The following TMEM132C variants were observed in gnomAD, a reference collection of about 807,000 sequenced individuals.
TMEM132C encodes the protein transmembrane protein 132C, also known as protein phosphatase 1, regulatory subunit 152.
TMEM132C carries 29 observed loss-of-function variants against 61.4 expected under a neutral mutation model. The ratio of observed to expected loss-of-function variants is 0.47; its 90% CI spans 0.35 to 0.64. The LOEUF (loss-of-function observed/expected upper bound fraction) is 0.64, where lower values mean the gene tolerates loss of function less well. Among genes scored for constraint, TMEM132C ranks in the 30% least tolerant of loss-of-function variants. The pLI, the probability that TMEM132C is intolerant of heterozygous loss-of-function variation, is 0.00. For missense variants in TMEM132C, 1,408 were observed against 1,476.9 expected, an observed-to-expected ratio of 0.95 and a Z score of 0.76; for synonymous variants, 656 against 633.1, an observed-to-expected ratio of 1.04 and a Z score of -0.54.
chr12:128,567,289 A>G lies in TMEM132C; in HGVS notation c.1121+23186A>G, dbSNP rs182312180. On this transcript the variant is annotated intron_variant, in intron 3 of 8. Coordinates refer to ENST00000435159, the MANE Select transcript of TMEM132C (RefSeq NM_001136103.3). The stretch of plus-strand genomic sequence containing the variant: ...CAAACTCAATTGAAAAAAAGAACCT[A>G]GCAAACTAGGAGTAAGCTTGAATTC... Among the ~76,000 whole-genome samples the G allele has an allele frequency of 1.1e-4, 16 of 152,326 alleles. No individual in the cohort carries two copies. In the East Asian group the frequency reaches 3.1e-3, roughly 29 times the overall value.
At chr12:128,582,549 A>T (rs1875382365) in intron 3 of TMEM132C, among the ~76,000 whole-genome samples, 1 of 151,366 alleles carries the variant, frequency 6.6e-6, no homozygotes, top group Non-Finnish European at 1.5e-5. Context: ...ACTTGGTGGG[A>T]GATAACTGAA....
intron 3 of TMEM132C, among the ~76,000 whole-genome samples, chr12:128,591,292 G>A (rs563159352): frequency 2.1e-4 from 31 of 149,464 alleles, no homozygotes; most frequent in African/African-American, 2.9e-4. Flanking sequence ...CCCAGCCCCC[G>A]GCAACAACTC....
chr12:128,308,831 G>A (rs971828727), intron 1 of TMEM132C, among the ~76,000 whole-genome samples: 1 of 152,180 alleles, frequency 6.6e-6, no homozygotes, highest in African/African-American at 2.4e-5. Flanking sequence ...CCATCACCTG[G>A]TGCTGAGGCT....
chr12:128,628,207 C>T (rs1402730266), intron 4 of TMEM132C, among the ~76,000 whole-genome samples: 1 of 152,194 alleles, frequency 6.6e-6, no homozygotes, highest in East Asian at 1.9e-4. Flanking sequence ...CTGGGAGCCC[C>T]TTCCTCACAG....
chr12:128,705,971 A>T lies in TMEM132C; in HGVS notation c.3003A>T (p.Gly1001=), dbSNP rs1439931545. 3.2e-6 allele frequency: 5 copies of T among 1,551,400 alleles called. No individual in the cohort carries two copies. Among genetic ancestry groups the T allele is most frequent in the Non-Finnish European group, 3.5e-6 (4 of 1,146,982 alleles). Residue 1001 remains glycine, a synonymous_variant, in exon 9 of 9, where the codon GGA becomes GGT. Coordinates refer to ENST00000435159, the MANE Select transcript of TMEM132C (RefSeq NM_001136103.3). ...AGCACACCACCATCATAGACCGCGG[A>T]CCGGGGGCCTGCGAGGAGAGCAACC... is the stretch of plus-strand genomic sequence containing the variant. ...QDEHTTIIDR[G]PGACEESNHL...
chr12:128,597,658 G>A (rs6486701), intron 3 of TMEM132C, among the ~76,000 whole-genome samples: 105,766 of 152,120 alleles, frequency 0.7, 40,477 homozygotes, highest in Non-Finnish European at 0.88. Context: ...ATACAACAGT[G>A]GCCAACACAG....
At chr12:128,645,603 G>A (rs958855872) in intron 4 of TMEM132C, among the ~76,000 whole-genome samples, 3 of 152,228 alleles carry the variant, frequency 2.0e-5, no homozygotes, top group Admixed American at 6.5e-5. Context: ...GATAGCCTAT[G>A]GATGTTGACT....
intron 1 of TMEM132C, among the ~76,000 whole-genome samples, chr12:128,294,672 G>T (rs973578977): frequency 4.0e-5 from 6 of 151,536 alleles, no homozygotes; most frequent in Non-Finnish European, 7.4e-5. Context: ...CCGGCTTCCT[G>T]GTTCATAGAC....
chr12:128,420,325 T>G (rs1040877674), intron 2 of TMEM132C, among the ~76,000 whole-genome samples: 1 of 152,158 alleles, frequency 6.6e-6, no homozygotes, highest in East Asian at 1.9e-4. Context: ...CAAGGCAGGC[T>G]TTGTTGAAAA....
intron 5 of TMEM132C, among the ~76,000 whole-genome samples, chr12:128,678,474 T>C (rs755931001): frequency 1.8e-4 from 28 of 152,224 alleles, no homozygotes; most frequent in Non-Finnish European, 3.4e-4. Flanking sequence ...CAAGTTCTTC[T>C]TTAAGCCTCA....
Position 128,620,238 on chromosome 12 carries a change from A to T in TMEM132C, c.1305+3903A>T, listed in dbSNP as rs959494872. ...ACAGAATGAGACCCTGTCTCAAAAA[A>T]AAAAAAAAAAAAAAAAGGAATAAAC... On this transcript the variant is annotated intron_variant, in intron 4 of 8. Coordinates refer to ENST00000435159, the MANE Select transcript of TMEM132C (RefSeq NM_001136103.3). 6.6e-5 allele frequency among the ~76,000 whole-genome samples: 10 copies of T among 151,398 alleles called. No individual in the cohort carries two copies. The South Asian group carries it at 2.1e-3, about 32-fold the overall frequency.
At chr12:128,556,763 G>A (rs1874341109) in intron 3 of TMEM132C, among the ~76,000 whole-genome samples, 2 of 152,100 alleles carry the variant, frequency 1.3e-5, no homozygotes. Context: ...ACTATCCCAT[G>A]TGGAAAGGCC....
At chr12:128,350,031 T>A (rs1438690058) in intron 1 of TMEM132C, among the ~76,000 whole-genome samples, 1 of 152,216 alleles carries the variant, frequency 6.6e-6, no homozygotes, top group Non-Finnish European at 1.5e-5. Context: ...AATAGCCGCC[T>A]GTGAGTTGAA....
chr12:128,539,184 G>T (rs1821789487), intron 2 of TMEM132C, among the ~76,000 whole-genome samples: 1 of 152,090 alleles, frequency 6.6e-6, no homozygotes, highest in South Asian at 2.1e-4. Flanking sequence ...CATCAACCTG[G>T]GATTCTTTCC....
chr12:128,461,762 G>A lies in TMEM132C; in HGVS notation c.974+46142G>A, dbSNP rs375708287. On this transcript the variant is annotated intron_variant, in intron 2 of 8. Transcript: ENST00000435159. ...TGTGTGATAGTGGTGATAGTGGTGT[G>A]TCACTCTCTATCAAAGCCCCCAGCA... is the stretch of plus-strand genomic sequence containing the variant. 4.6e-5 allele frequency among the ~76,000 whole-genome samples: 7 copies of A among 152,098 alleles called. No individual in the cohort carries two copies. In the East Asian group the frequency reaches 7.7e-4, roughly 17 times the overall value.
chr12:128,542,893 T>G (rs1046623174), intron 2 of TMEM132C, among the ~76,000 whole-genome samples: 13 of 149,784 alleles, frequency 8.7e-5, no homozygotes, highest in Non-Finnish European at 1.9e-4. Flanking sequence ...TGTGCTGGGA[T>G]TATAGGCGTG....
intron 2 of TMEM132C, among the ~76,000 whole-genome samples, chr12:128,445,928 T>C (rs1355385757): frequency 2.6e-5 from 4 of 152,214 alleles, no homozygotes; most frequent in African/African-American, 9.6e-5. Context: ...ACCACAATAA[T>C]TGAGTCATAA....
At chr12:128,478,715 G>A (rs913191584) in intron 2 of TMEM132C, among the ~76,000 whole-genome samples, 2 of 152,166 alleles carry the variant, frequency 1.3e-5, no homozygotes, top group Non-Finnish European at 2.9e-5. Flanking sequence ...GTACAGCAAA[G>A]GCACGTAAGC....
chr12:128,696,610 A>T (rs1244886366), intron 7 of TMEM132C, among the ~76,000 whole-genome samples: 7 of 152,256 alleles, frequency 4.6e-5, no homozygotes, highest in African/African-American at 1.7e-4. Flanking sequence ...GAATGGTAAA[A>T]TTTCATGATG....
Sources: gnomAD v4.1 joint callset for allele counts (sites outside exome capture counted in the v4.1 genomes callset) on GRCh38, gnomAD v4.1.1 for gene constraint, MANE v1.5 for transcripts, NCBI Gene and HGNC (gene_info 2026-07-23, HGNC 2026-07-21) for gene names.